DNAAF9: variants seen among roughly 807,000 people sequenced by gnomAD.
DNAAF9 encodes dynein axonemal assembly factor 9, also known as shulin.
A neutral mutation model predicts 167.0 loss-of-function variants in DNAAF9; 90 were observed. That is an observed-to-expected ratio of 0.54 (90% CI 0.45 to 0.64). The LOEUF is 0.64. Ranked by LOEUF, DNAAF9 falls within the 30% of genes least tolerant of loss-of-function variation. DNAAF9 has a pLI of 0.00. For synonymous variants in DNAAF9, 491 were observed against 508.8 expected (o/e 0.96, Z 0.47); for missense variants, 1,315 against 1,442.2 (o/e 0.91, Z 1.43).
chr20:3,315,252 TG>T lies in DNAAF9; in HGVS notation c.1591-133del. On this transcript the variant is annotated intron_variant, in intron 19 of 36. Transcript: ENST00000252032. The surrounding 1 kb of genome is among the most constrained non-coding windows in gnomAD (Gnocchi z 4.1). ...CTGAGTCAGGCTCAGATATGCCCAA[TG>T]TATTCCATGGCCTTTGGCATTGTCT... 1.5e-6 allele frequency: 1 copy of T among 654,026 alleles called. No homozygotes were observed. The highest frequency in any genetic ancestry group is 2.7e-6 in the Non-Finnish European group (1 of 364,918). 40.5% of individuals were successfully genotyped at this position (654,026 alleles called of 1,614,324 possible). A position where few individuals can be genotyped will look rare whatever the true frequency, so the allele number is the denominator to read the frequency against.
In DNAAF9 at chr20:3,264,476, A is replaced by G. The variant is rs1283990282; in HGVS notation, c.2835T>C (p.Pro945=). The change falls in exon 31 of 37, where the codon CCT becomes CCC. Residue 945 remains proline (P), a synonymous_variant. Coordinates refer to ENST00000252032, the MANE Select transcript of DNAAF9 (RefSeq NM_001009984.3). ...LILSENSFSS[P]EMLRSRYLMY... ...TTAAATATCGAGATCGTAGCATCTC[A>G]GGACTTGAAAAACTGTTTTCTGAGA... The G allele has an allele frequency of 6.4e-7, 1 of 1,569,418 alleles. No homozygotes were observed. The highest frequency in any genetic ancestry group is 8.8e-7 in the Non-Finnish European group (1 of 1,139,378).
intron 5 of DNAAF9, 80 bp from the exon 6 acceptor site, chr20:3,374,234 C>A: frequency 1.1e-6 from 1 of 904,106 alleles, no homozygotes; most frequent in Non-Finnish European, 1.7e-6. Flanking sequence ...CATGGTTAGA[C>A]AGGTATCATT....
At chr20:3,347,518 C>CT (rs2070217231) in intron 8 of DNAAF9, among the ~76,000 whole-genome samples, 1 of 152,144 alleles carries the variant, frequency 6.6e-6, no homozygotes, top group Admixed American at 6.5e-5. Flanking sequence ...AGCCAAAAGG[C>CT]TGAGAAGCGA....
In DNAAF9 at chr20:3,396,069, C is replaced by T. The variant is rs550438372; in HGVS notation, c.83+11406G>A. Among the ~76,000 whole-genome samples, 8 of 152,314 alleles carry T rather than the reference C, an allele frequency of 5.3e-5. No individual in the cohort carries two copies. In the South Asian group the frequency reaches 1.2e-3, roughly 24 times the overall value. ...ACAAGCTCTCTTCTCTTGTCTGCTG[C>T]CATGTGAGATGTGCCTTTCACCTTC... On this transcript the variant is annotated intron_variant, in intron 1 of 36. Transcript: ENST00000252032.
intron 33 of DNAAF9, among the ~76,000 whole-genome samples, chr20:3,257,456 G>A (rs1333482896): frequency 1.3e-5 from 2 of 152,094 alleles, no homozygotes; most frequent in Non-Finnish European, 2.9e-5. Context: ...AGGATGCAGT[G>A]AGCCGAGATC....
At chr20:3,307,586 C>T (rs1162022767) in intron 20 of DNAAF9, among the ~76,000 whole-genome samples, 1 of 152,070 alleles carries the variant, frequency 6.6e-6, no homozygotes, top group Non-Finnish European at 1.5e-5. Flanking sequence ...CTCTTTGTGC[C>T]ATCCTTGGTG....
Position 3,395,883 on chromosome 20 carries a change from A to T in DNAAF9, c.83+11592T>A, listed in dbSNP as rs141202895. On this transcript the variant is annotated intron_variant, in intron 1 of 36. Coordinates refer to ENST00000252032, the MANE Select transcript of DNAAF9 (RefSeq NM_001009984.3). ...TACGGTTTGCCTGTGTCCCCACCCA[A>T]ATCTCATCTTGAATTGTAACTCCCA... Among the ~76,000 whole-genome samples the T allele has an allele frequency of 9.0e-3, 1,372 of 152,188 alleles. 20 individuals are homozygous for T. The highest frequency in any genetic ancestry group is 0.032 in the African/African-American group (1,317 of 41,514).
intron 29 of DNAAF9, among the ~76,000 whole-genome samples, chr20:3,273,165 A>G (rs112136797): frequency 0.026 from 3,930 of 152,262 alleles, 70 homozygotes; most frequent in African/African-American, 0.042. Context: ...TCTTAAGTGA[A>G]TATCTCTAAA....
chr20:3,264,200 G>C (rs977945552), intron 31 of DNAAF9, among the ~76,000 whole-genome samples: 7 of 152,222 alleles, frequency 4.6e-5, no homozygotes, highest in African/African-American at 1.7e-4. Flanking sequence ...GCTGCCTACA[G>C]GATGATTCCC....
At chr20:3,258,162 A>G (rs6084316) in intron 33 of DNAAF9, among the ~76,000 whole-genome samples, 93,219 of 150,724 alleles carry the variant, frequency 0.62, 29,264 homozygotes, top group East Asian at 0.72. Context: ...CACTGCACCC[A>G]GCCAAAAAAG....
At chr20:3,393,209 G>A (rs973484411) in intron 1 of DNAAF9, among the ~76,000 whole-genome samples, 3 of 151,598 alleles carry the variant, frequency 2.0e-5, no homozygotes, top group Admixed American at 6.6e-5. Flanking sequence ...ACAGTGTCTC[G>A]CTCTGTTGCC....
chr20:3,371,156 A>T (rs1322906172), intron 6 of DNAAF9, among the ~76,000 whole-genome samples: 1 of 151,630 alleles, frequency 6.6e-6, no homozygotes, highest in Non-Finnish European at 1.5e-5. Flanking sequence ...GTAAGTTTTC[A>T]TTCTACTAAT....
intron 1 of DNAAF9, among the ~76,000 whole-genome samples, chr20:3,395,301 G>A (rs1600923934): frequency 6.8e-6 from 1 of 147,568 alleles, no homozygotes; most frequent in Non-Finnish European, 1.5e-5. Flanking sequence ...TTTTTTTTCT[G>A]AGACAGCCTT....
intron 26 of DNAAF9, 68 bp from the exon 27 acceptor site, chr20:3,287,858 G>A (rs543373107): frequency 4.4e-6 from 6 of 1,378,050 alleles, no homozygotes; most frequent in East Asian, 4.6e-5. Flanking sequence ...GTTCAGCCAT[G>A]GATTCAAATG....
At chr20:3,358,884 T>C (rs1484846841) in intron 7 of DNAAF9, among the ~76,000 whole-genome samples, 1 of 152,134 alleles carries the variant, frequency 6.6e-6, no homozygotes, top group Non-Finnish European at 1.5e-5. Context: ...CTAACCAGAG[T>C]ACAGAGTCCT....
Position 3,369,835 on chromosome 20 carries a change from T to C in DNAAF9, c.612+4213A>G, listed in dbSNP as rs568929425. ...GATTTCCTAGAGCTCGTATTTTCCA[T>C]ACATTCAGTTATTACAACATTCACT... On this transcript the variant is annotated intron_variant, in intron 6 of 36. Transcript: ENST00000252032. Among the ~76,000 whole-genome samples, 40 of 152,352 alleles carry C rather than the reference T, an allele frequency of 2.6e-4. 1 individual carries two copies. The highest frequency in any genetic ancestry group is 8.4e-4 in the African/African-American group (35 of 41,582).
chr20:3,358,482 C>T (rs1050315613), intron 7 of DNAAF9, among the ~76,000 whole-genome samples: 2 of 152,038 alleles, frequency 1.3e-5, no homozygotes, highest in Non-Finnish European at 2.9e-5. Flanking sequence ...TGGGGTTTCA[C>T]CATGTTGGCC....
chr20:3,369,022 G>T (rs1490193079), intron 6 of DNAAF9, among the ~76,000 whole-genome samples: 1 of 151,964 alleles, frequency 6.6e-6, no homozygotes, highest in South Asian at 2.1e-4. Flanking sequence ...CCAGCTTCTC[G>T]GGAGGTTGTG....
intron 21 of DNAAF9, among the ~76,000 whole-genome samples, chr20:3,301,041 G>A (rs532701344): frequency 6.6e-6 from 1 of 150,654 alleles, no homozygotes; most frequent in Non-Finnish European, 1.5e-5. Context: ...CAGAGACAGG[G>A]TCTTGCTCTG....
Sources: gnomAD v4.1 joint callset for allele counts (sites outside exome capture counted in the v4.1 genomes callset) on GRCh38, gnomAD v4.1.1 for gene constraint, Gnocchi (gnomAD v3.1) non-coding constraint, MANE v1.5 for transcripts, NCBI Gene and HGNC (gene_info 2026-07-23, HGNC 2026-07-21) for gene names.